SFMBT1: variants seen among roughly 807,000 people sequenced by gnomAD.
SFMBT1 encodes Scm like with four mbt domains 1.
Under a neutral mutation model 108.7 loss-of-function variants are expected in SFMBT1, and 32 were observed. The ratio of observed to expected loss-of-function variants is 0.29; its 90% CI spans 0.22 to 0.40. The LOEUF (loss-of-function observed/expected upper bound fraction) is 0.40, where lower values mean the gene tolerates loss of function less well. Ranked by LOEUF, SFMBT1 falls within the 10% of genes least tolerant of loss-of-function variation. The pLI is 1.00. For missense variants in SFMBT1, 816 were observed against 1,059.6 expected, an observed-to-expected ratio of 0.77 and a Z score of 3.19; for synonymous variants, 348 against 369.5, an observed-to-expected ratio of 0.94 and a Z score of 0.67.
chr3:52,989,343 G>GA (rs1486712012), intron 1 of SFMBT1, among the ~76,000 whole-genome samples: 5 of 151,050 alleles, frequency 3.3e-5, no homozygotes, highest in Admixed American at 1.3e-4. Flanking sequence ...GCTGAGGCAG[G>GA]AGAATGGTGT....
intron 13 of SFMBT1, among the ~76,000 whole-genome samples, chr3:52,917,399 G>T (rs527432984): frequency 4.2e-4 from 64 of 152,144 alleles, no homozygotes; most frequent in Admixed American, 1.1e-3. Flanking sequence ...GGGTCGGGGG[G>T]TGCCGGGGAG....
chr3:53,007,354 A>ACT (rs1698783208), intron 1 of SFMBT1, among the ~76,000 whole-genome samples: 2 of 152,224 alleles, frequency 1.3e-5, no homozygotes, highest in African/African-American at 2.4e-5. Flanking sequence ...ACTCTAAGTG[A>ACT]TATATTAGAC....
intron 1 of SFMBT1, among the ~76,000 whole-genome samples, chr3:52,969,951 A>G (rs1160158804): frequency 1.3e-5 from 2 of 152,058 alleles, no homozygotes; most frequent in Non-Finnish European, 2.9e-5. Flanking sequence ...AAAAATACAA[A>G]AACTAGCTGG....
chr3:52,931,072 G>A, intron 6 of SFMBT1, 37 bp from the exon 7 acceptor site: 1 of 1,570,706 alleles, frequency 6.4e-7, no homozygotes, highest in Non-Finnish European at 8.8e-7. Flanking sequence ...TAGATGATGA[G>A]AAACTTATAC....
intron 2 of SFMBT1, among the ~76,000 whole-genome samples, chr3:52,964,369 CT>C (rs978302656): frequency 6.6e-6 from 1 of 151,990 alleles, no homozygotes; most frequent in African/African-American, 2.4e-5. Flanking sequence ...TAAAAAATTG[CT>C]GGGGATGATG....
At chr3:53,041,136 T>C (rs1416872259) in intron 1 of SFMBT1, among the ~76,000 whole-genome samples, 2 of 151,852 alleles carry the variant, frequency 1.3e-5, no homozygotes, top group Admixed American at 6.6e-5. Context: ...TTTTTGTTTT[T>C]AAATAAATTC....
chr3:52,996,622 A>C (rs1163540419), intron 1 of SFMBT1, among the ~76,000 whole-genome samples: 1 of 150,336 alleles, frequency 6.7e-6, no homozygotes, highest in Non-Finnish European at 1.5e-5. Context: ...TACAAATTAA[A>C]ACCACTATGA....
At chr3:52,946,558 A>T (rs562931713) in intron 3 of SFMBT1, among the ~76,000 whole-genome samples, 1 of 152,240 alleles carries the variant, frequency 6.6e-6, no homozygotes, top group Non-Finnish European at 1.5e-5. Context: ...CTATATGAAT[A>T]TGTCACAATT....
At chr3:53,040,253 T>A (rs952308336) in intron 1 of SFMBT1, among the ~76,000 whole-genome samples, 16 of 152,192 alleles carry the variant, frequency 1.1e-4, no homozygotes, top group Admixed American at 5.2e-4. Context: ...AATGCTTTTT[T>A]AAAAACTCTT....
rs771780235 is a variant in SFMBT1 at position 52,932,133 on chromosome 3, T to C, written c.629A>G (p.Tyr210Cys). ...GTGATGAAGAAATGGATCCAAGTAA[T>C]ACAACCAATGTTCATAATTGTCAGA... The part of the protein sequence containing the change: ...ESSDNYEHWL[Y>C]YLDPFLHHVG... The change falls in exon 6 of 21, where the codon TAT (tyrosine) becomes TGT (cysteine). Residue 210 changes from tyrosine to cysteine, a missense_variant. This residue lies in a region of SFMBT1 where 495 missense variants were observed against 607.4 expected (regional missense o/e 0.81). Coordinates refer to ENST00000394752, the MANE Select transcript of SFMBT1 (RefSeq NM_016329.4). 2 of 1,614,068 alleles carry C rather than the reference T, an allele frequency of 1.2e-6. No individual in the cohort carries two copies. Among genetic ancestry groups the C allele is most frequent in the South Asian group, 1.1e-5 (1 of 91,084 alleles).
At chr3:53,004,415 G>C (rs1022809261) in intron 1 of SFMBT1, among the ~76,000 whole-genome samples, 2 of 149,622 alleles carry the variant, frequency 1.3e-5, no homozygotes, top group African/African-American at 4.9e-5. Context: ...TGGAACTACA[G>C]GCATGTGCTA....
chr3:53,038,343 G>A (rs1228039788), intron 1 of SFMBT1, among the ~76,000 whole-genome samples: 2 of 152,068 alleles, frequency 1.3e-5, no homozygotes, highest in Admixed American at 6.6e-5. Context: ...ACTAACTCTA[G>A]GAAACAACTA....
intron 2 of SFMBT1, among the ~76,000 whole-genome samples, chr3:52,956,585 C>A (rs1302426001): frequency 6.6e-6 from 1 of 152,002 alleles, no homozygotes; most frequent in Non-Finnish European, 1.5e-5. Flanking sequence ...ATGGTGAAAT[C>A]CCATCTCTAC....
At chr3:53,032,153 T>C (rs1699707549) in intron 1 of SFMBT1, among the ~76,000 whole-genome samples, 1 of 152,218 alleles carries the variant, frequency 6.6e-6, no homozygotes, top group Non-Finnish European at 1.5e-5. Flanking sequence ...GTGGAATGTT[T>C]GAGGTCAGGG....
At chr3:53,008,398 G>A (rs1311849879) in intron 1 of SFMBT1, among the ~76,000 whole-genome samples, 10 of 152,120 alleles carry the variant, frequency 6.6e-5, no homozygotes, top group African/African-American at 1.9e-4. Flanking sequence ...CATTTTAAAT[G>A]ATTAGTATCT....
chr3:52,951,191 A>AC lies in SFMBT1; in HGVS notation c.123+3125_123+3126insG, dbSNP rs200937922. ...TTCCTTCTCCAAAAAAAAAAAAAAA[A>AC]ACACACATTCCTTCTCTAACACTCT... On this transcript the variant is annotated intron_variant, in intron 3 of 20. Transcript: ENST00000394752. Among the ~76,000 whole-genome samples, 1,290 of 136,012 alleles carry AC rather than the reference A, an allele frequency of 9.5e-3. 74 individuals carry two copies. In the South Asian group the frequency reaches 0.19, roughly 20 times the overall value. The allele number at this position is 136,012 out of a possible 152,430, so 89.2% of individuals were successfully genotyped here. A position where few individuals can be genotyped will look rare whatever the true frequency, so the allele number is the denominator to read the frequency against.
chr3:52,929,368 C>T (rs566303020), intron 8 of SFMBT1, among the ~76,000 whole-genome samples: 14 of 152,130 alleles, frequency 9.2e-5, no homozygotes, highest in African/African-American at 2.9e-4. Context: ...GCCTCCCGAG[C>T]AGCTGGGATT....
At chr3:52,923,059 A>G (rs1339382373) in intron 10 of SFMBT1, among the ~76,000 whole-genome samples, 1 of 152,226 alleles carries the variant, frequency 6.6e-6, no homozygotes, top group Non-Finnish European at 1.5e-5. Flanking sequence ...CAGAGCTTTC[A>G]ATCAGCTCTT....
At chr3:52,980,855 T>C (rs1473673817) in intron 1 of SFMBT1, among the ~76,000 whole-genome samples, 1 of 152,198 alleles carries the variant, frequency 6.6e-6, no homozygotes, top group Non-Finnish European at 1.5e-5. Flanking sequence ...AGTCATTATA[T>C]GACAAAGCAA....
Sources: allele counts gnomAD v4.1 joint callset (sites outside exome capture counted in the v4.1 genomes callset), GRCh38; gene constraint gnomAD v4.1.1; regional missense constraint gnomAD v4.1.1; transcripts MANE v1.5; gene names NCBI Gene and HGNC (gene_info 2026-07-23, HGNC 2026-07-21).